The following MAPT variants were observed in gnomAD, a reference collection of about 807,000 sequenced individuals.
MAPT encodes microtubule-associated protein tau.
Under a neutral mutation model 67.9 loss-of-function variants are expected in MAPT, and 34 were observed. The ratio of observed to expected loss-of-function variants is 0.50; its 90% CI spans 0.38 to 0.67. The LOEUF is 0.67. Among genes scored for constraint, MAPT ranks in the 30% least tolerant of loss-of-function variants. The probability of loss-of-function intolerance (pLI) is 0.00; values close to 1 mark genes in which losing one functional copy is unlikely to be tolerated. For missense variants in MAPT, 881 were observed against 1,115.2 expected (o/e 0.79, Z 2.99); for synonymous variants, 456 against 464.5 (o/e 0.98, Z 0.23).
intron 1 of MAPT, among the ~76,000 whole-genome samples, chr17:45,941,492 G>T (rs572976037): frequency 6.6e-6 from 1 of 151,820 alleles, no homozygotes; most frequent in African/African-American, 2.4e-5. Context: ...TACCCCAGGG[G>T]TGTAGAGTTT....
chr17:45,986,367 C>T (rs1002407466), intron 5 of MAPT, among the ~76,000 whole-genome samples: 1 of 152,092 alleles, frequency 6.6e-6, no homozygotes, highest in Non-Finnish European at 1.5e-5. Flanking sequence ...ATTCTGGAGG[C>T]GTGTGACCAG....
chr17:46,009,764 C>A (rs1245461906), intron 9 of MAPT, among the ~76,000 whole-genome samples: 3 of 152,210 alleles, frequency 2.0e-5, no homozygotes, highest in Admixed American at 6.5e-5. Flanking sequence ...TGAAGCCAGA[C>A]TCCTAGATTC....
At chr17:46,005,794 G>C (rs558156183) in intron 9 of MAPT, among the ~76,000 whole-genome samples, 91 of 152,344 alleles carry the variant, frequency 6.0e-4, no homozygotes, top group African/African-American at 2.1e-3. Flanking sequence ...GCTGGCAGGA[G>C]AGAATTTCAA....
intron 1 of MAPT, among the ~76,000 whole-genome samples, chr17:45,900,468 G>A (rs1013602605): frequency 1.6e-4 from 25 of 152,166 alleles, no homozygotes; most frequent in African/African-American, 6.0e-4. Flanking sequence ...ATACAAACTC[G>A]AACAACTTCC....
chr17:46,018,817 G>A (rs767459200), intron 12 of MAPT, 87 bp downstream of exon 12: 5 of 997,844 alleles, frequency 5.0e-6, no homozygotes, highest in African/African-American at 1.6e-5. Context: ...CCAGTTCCCA[G>A]AGGAGGAAAA....
intron 1 of MAPT, 180 bp downstream of exon 1, chr17:45,894,866 G>A (rs1331039398): frequency 6.6e-6 from 1 of 152,134 alleles, no homozygotes; most frequent in African/African-American, 2.4e-5. Context: ...GCCTGGAAAG[G>A]GACCTGAGCA....
intron 1 of MAPT, among the ~76,000 whole-genome samples, chr17:45,933,036 C>T (rs980489172): frequency 6.6e-6 from 1 of 151,796 alleles, no homozygotes; most frequent in Admixed American, 6.6e-5. Flanking sequence ...GGGCCAAGAT[C>T]GCACCATTGC....
chr17:45,965,560 C>T (rs747810498), intron 2 of MAPT, among the ~76,000 whole-genome samples: 29 of 151,800 alleles, frequency 1.9e-4, no homozygotes, highest in Non-Finnish European at 2.8e-4. Flanking sequence ...GGATTACAGG[C>T]GCCTACCACC....
At chr17:45,989,150 A>G (rs952151309) in intron 6 of MAPT, among the ~76,000 whole-genome samples, 2 of 152,110 alleles carry the variant, frequency 1.3e-5, no homozygotes, top group Non-Finnish European at 2.9e-5. Context: ...TTGAGTAGAA[A>G]GTAAGGCCCT....
Position 45,991,511 on chromosome 17 carries a change from G to A in MAPT, c.1657G>A (p.Gly553Ser), listed in dbSNP as rs1252430746. Residue 553 changes from glycine (G) to serine (S), a missense_variant, in exon 8 of 13, where the codon GGC (glycine) becomes AGC (serine). Around this residue, in one of 6 missense-constraint regions of MAPT, gnomAD observed 687 missense variants for 766.1 expected, o/e 0.90. Transcript: ENST00000262410. ...CACACCGCGGGGAGCAGCCCCTCCAGGCCAGAAGGGCCAGGCCAACGCCAC... is the reference window on the plus strand; with the variant it reads ...CACACCGCGGGGAGCAGCCCCTCCAAGCCAGAAGGGCCAGGCCAACGCCAC... ...IATPRGAAPP[G>S]QKGQANATRI... The A allele has an allele frequency of 6.2e-7, 1 of 1,614,222 alleles. No individual in the cohort carries two copies. The highest frequency in any genetic ancestry group is 8.5e-7 in the Non-Finnish European group (1 of 1,180,036).
intron 9 of MAPT, among the ~76,000 whole-genome samples, chr17:46,005,076 G>A (rs971329524): frequency 8.5e-5 from 13 of 152,186 alleles, no homozygotes; most frequent in Non-Finnish European, 1.8e-4. Flanking sequence ...GAGCCACCGT[G>A]CCCGGCCAGA....
chr17:45,907,810 A>G (rs991463847), intron 1 of MAPT: 2 of 152,214 alleles, frequency 1.3e-5, no homozygotes, highest in African/African-American at 4.8e-5. Context: ...TGCTAAAACC[A>G]TTGCCTCGTT....
chr17:45,901,635 TCA>T (rs2063617302), intron 1 of MAPT, among the ~76,000 whole-genome samples: 2 of 152,322 alleles, frequency 1.3e-5, no homozygotes, highest in South Asian at 4.1e-4. Context: ...TAACAATATA[TCA>T]GTTTTAAAAA....
intron 8 of MAPT, among the ~76,000 whole-genome samples, chr17:45,994,769 G>A (rs1194119294): frequency 1.3e-5 from 2 of 152,240 alleles, no homozygotes; most frequent in Admixed American, 1.3e-4. Flanking sequence ...GCCGAGGCGG[G>A]TGGATCACCT....
In MAPT at chr17:45,989,854, A is replaced by T. The variant is rs774876586; in HGVS notation, c.1408-24A>T. On this transcript the variant is annotated intron_variant, in intron 6 of 12. Coordinates refer to ENST00000262410, the MANE Select transcript of MAPT (RefSeq NM_001377265.1). ...CCTCCATGTGCTGACTTTTATTTTG[A>T]TTTTATTTATGTTTATGTTTAAGAC... The T allele has an allele frequency of 2.5e-6, 4 of 1,607,898 alleles. No individual in the cohort carries two copies. In the South Asian group the frequency reaches 3.3e-5, roughly 13 times the overall value.
At chr17:45,925,154 A>G (rs571735565) in intron 1 of MAPT, among the ~76,000 whole-genome samples, 3 of 152,166 alleles carry the variant, frequency 2.0e-5, no homozygotes, top group Non-Finnish European at 4.4e-5. Flanking sequence ...GAATTCAGAA[A>G]TATATGTTTG....
chr17:45,988,354 A>C lies in MAPT; in HGVS notation c.1407+1259A>C, dbSNP rs372177070. On this transcript the variant is annotated intron_variant, in intron 6 of 12. Coordinates refer to ENST00000262410, the MANE Select transcript of MAPT (RefSeq NM_001377265.1). ...TGCTCTTGGAAACACTTCGAGGCTT[A>C]GCCTCCCCACTTTGTTTCCCGAGAG... Among the ~76,000 whole-genome samples the C allele has an allele frequency of 1.7e-3, 266 of 152,358 alleles. 1 individual carries two copies. Among genetic ancestry groups the C allele is most frequent in the African/African-American group, 6.3e-3 (261 of 41,590 alleles).
In MAPT at chr17:45,996,342, G is replaced by A; in HGVS notation, c.1733-57G>A. 6.3e-7 allele frequency: 1 copy of A among 1,592,088 alleles called. No individual in the cohort carries two copies. The highest frequency in any genetic ancestry group is 8.5e-7 in the Non-Finnish European group (1 of 1,170,336). The stretch of plus-strand genomic sequence containing the variant: ...ACCCACGGGACAGGCAGCCCCCAGG[G>A]CCTTTTCTGACCCCACCCACTCGAG... On this transcript the variant is annotated intron_variant, in intron 8 of 12. Transcript: ENST00000262410. The surrounding 1 kb of genome is among the most constrained non-coding windows in gnomAD (Gnocchi z 4.5).
At chr17:45,999,285 TGAGGGTG>T (rs1456125179) in intron 9 of MAPT, 8 of 1,612,550 alleles carry the variant, frequency 5.0e-6, no homozygotes, top group Non-Finnish European at 6.8e-6. Context: ...GGGCCATGAG[TGAGGGTG>T]GAGGCCAAGT....
Sources: allele counts gnomAD v4.1 joint callset (sites outside exome capture counted in the v4.1 genomes callset), GRCh38; gene constraint gnomAD v4.1.1; regional missense constraint gnomAD v4.1.1; non-coding constraint Gnocchi (gnomAD v3.1); transcripts MANE v1.5; gene names NCBI Gene and HGNC (gene_info 2026-07-23, HGNC 2026-07-21).